The following CCL26 variants were observed in gnomAD, a reference collection of about 807,000 sequenced individuals.
CCL26 encodes the protein C-C motif chemokine 26.
A neutral mutation model predicts 10.7 loss-of-function variants in CCL26; 10 were observed. The observed-to-expected ratio is 0.93, with a 90% CI of 0.57 to 1.58. CCL26 has a LOEUF of 1.58. Ranked by LOEUF, CCL26 falls within the 40% of genes most tolerant of loss-of-function variation. CCL26 has a pLI of 0.00. For synonymous variants in CCL26, 43 were observed against 41.4 expected (o/e 1.04, Z -0.15); for missense variants, 116 against 111.0 (o/e 1.05, Z -0.20).
chr7:75,773,766 C>T (rs559019383), upstream of CCL26, among the ~76,000 whole-genome samples: 10 of 151,686 alleles, frequency 6.6e-5, no homozygotes, highest in Admixed American at 1.3e-4. Flanking sequence ...GCTTGTAATC[C>T]GAGCAACTTG....
chr7:75,770,901 G>T (rs1253217897), intron 2 of CCL26, among the ~76,000 whole-genome samples: 1 of 152,086 alleles, frequency 6.6e-6, no homozygotes, highest in African/African-American at 2.4e-5. Context: ...ACATACAGTT[G>T]ACTCTTGAAC....
At chr7:75,772,053 C>T (rs1371163184) in intron 1 of CCL26, 50 bp from the exon 2 acceptor site, 1 of 1,605,208 alleles carries the variant, frequency 6.2e-7, no homozygotes, top group African/African-American at 1.3e-5. Context: ...TCCATCCACT[C>T]CCAGGCGGTC....
At chr7:75,779,206 G>A (rs1396809183) in intron 1 of CCL26, among the ~76,000 whole-genome samples, 2 of 151,410 alleles carry the variant, frequency 1.3e-5, no homozygotes, top group East Asian at 1.9e-4. Flanking sequence ...ATCTCCCTTC[G>A]CTGACTCTTT....
intron 2 of CCL26, among the ~76,000 whole-genome samples, chr7:75,771,652 G>A (rs567019680): frequency 2.0e-4 from 30 of 152,292 alleles, no homozygotes; most frequent in African/African-American, 6.5e-4. Context: ...GGAGGGGGAG[G>A]TTGCAGTGAG....
chr7:75,777,423 T>TTGCAACTCA (rs1466136691), intron 1 of CCL26, among the ~76,000 whole-genome samples: 5 of 152,040 alleles, frequency 3.3e-5, no homozygotes, highest in African/African-American at 1.2e-4. Flanking sequence ...CTACAGTTAC[T>TTGCAACTCA]TGCAACTCAC....
chr7:75,785,869 G>A (rs1164815609), intron 1 of CCL26, among the ~76,000 whole-genome samples: 2 of 152,118 alleles, frequency 1.3e-5, no homozygotes, highest in Non-Finnish European at 2.9e-5. Context: ...CTTACACAAG[G>A]ACCGGGACCG....
At chr7:75,789,353 T>C (rs984860891) in intron 1 of CCL26, among the ~76,000 whole-genome samples, 7 of 152,046 alleles carry the variant, frequency 4.6e-5, no homozygotes, top group Non-Finnish European at 8.8e-5. Flanking sequence ...AAATGTAATA[T>C]GGGAGCCATG....
intron 1 of CCL26, among the ~76,000 whole-genome samples, chr7:75,784,162 G>A (rs1489224869): frequency 3.3e-5 from 5 of 152,172 alleles, no homozygotes; most frequent in African/African-American, 1.2e-4. Flanking sequence ...GCAGCTGCCA[G>A]GGGTTCCTCC....
Position 75,772,095 on chromosome 7 carries a change from G to C in CCL26, c.73+9C>G, listed in dbSNP as rs1554528187. ...GGAACCCCAGGAGGGGAATGGGCCA[G>C]CTACGTACGTGTGGCAGTTCCAAGG... On this transcript the variant is annotated intron_variant, in intron 1 of 2. Coordinates refer to ENST00000005180, the MANE Select transcript of CCL26 (RefSeq NM_001371938.1). 1 of 1,594,950 alleles carries C rather than the reference G, an allele frequency of 6.3e-7. No individual in the cohort carries two copies. The highest frequency in any genetic ancestry group is 1.1e-5 in the South Asian group (1 of 89,084).
At chr7:75,776,349 G>A (rs1308733282), upstream of CCL26, among the ~76,000 whole-genome samples, 1 of 151,512 alleles carries the variant, frequency 6.6e-6, no homozygotes, top group Non-Finnish European at 1.5e-5. Flanking sequence ...GGGATTACAG[G>A]TGTGAGCCAC....
At chr7:75,774,310 C>T (rs370205676), upstream of CCL26, among the ~76,000 whole-genome samples, 12 of 152,118 alleles carry the variant, frequency 7.9e-5, no homozygotes, top group East Asian at 9.6e-4. Flanking sequence ...CCATCACGCC[C>T]GGCTAATTTT....
chr7:75,772,120 G>A lies in CCL26; in HGVS notation c.57C>T (p.His19=). 1 of 1,570,326 alleles carries A rather than the reference G, an allele frequency of 6.4e-7. No homozygotes were observed. The highest frequency in any genetic ancestry group is 8.6e-7 in the Non-Finnish European group (1 of 1,157,442). Residue 19 remains histidine, a synonymous_variant, in exon 1 of 3, where the codon CAC becomes CAT. Transcript: ENST00000005180. ...AVLLASLLSL[H]LGTATRGSDI... ...GCTACGTACGTGTGGCAGTTCCAAGGTGGAGACTCAGGAGGGAGGCCAGGA... is the reference window on the plus strand; with the variant it reads ...GCTACGTACGTGTGGCAGTTCCAAGATGGAGACTCAGGAGGGAGGCCAGGA...
chr7:75,786,511 G>A (rs370608773), intron 1 of CCL26, among the ~76,000 whole-genome samples: 28 of 152,200 alleles, frequency 1.8e-4, no homozygotes, highest in Admixed American at 8.5e-4. Context: ...GGGCTGAAAG[G>A]TTTCCTCCCT....
At chr7:75,771,380 A>T (rs1554528069) in intron 2 of CCL26, among the ~76,000 whole-genome samples, 1 of 152,184 alleles carries the variant, frequency 6.6e-6, no homozygotes, top group Non-Finnish European at 1.5e-5. Context: ...AAGGTTATTC[A>T]TCATAGCTGA....
chr7:75,784,664 C>T (rs1477097893), intron 1 of CCL26, among the ~76,000 whole-genome samples: 1 of 152,134 alleles, frequency 6.6e-6, no homozygotes, highest in Non-Finnish European at 1.5e-5. Context: ...GTTATCCCCA[C>T]CTGCCCAGCT....
At chr7:75,786,076 C>G (rs1049784931) in intron 1 of CCL26, among the ~76,000 whole-genome samples, 5 of 152,170 alleles carry the variant, frequency 3.3e-5, no homozygotes, top group Non-Finnish European at 7.3e-5. Context: ...ATACTTTCTG[C>G]TCCCTGGCTC....
At chr7:75,769,816 A>G (rs1802783866) in intron 2 of CCL26, 27 bp from the exon 3 acceptor site, 2 of 1,404,938 alleles carry the variant, frequency 1.4e-6, no homozygotes, top group African/African-American at 1.4e-5. Flanking sequence ...CGGATAAGTC[A>G]ATATTGAGAC....
At chr7:75,774,141 GGTTT>G (rs1802886225), upstream of CCL26, among the ~76,000 whole-genome samples, 2 of 152,002 alleles carry the variant, frequency 1.3e-5, no homozygotes, top group South Asian at 4.1e-4. Context: ...ATGAGAGGGT[GGTTT>G]GTTTTTGTTT....
chr7:75,784,422 G>C (rs1339054435), intron 1 of CCL26, among the ~76,000 whole-genome samples: 2 of 152,156 alleles, frequency 1.3e-5, no homozygotes, highest in African/African-American at 2.4e-5. Context: ...TGAACACCTC[G>C]GAAGCCTCCT....
Sources: gnomAD v4.1 joint callset for allele counts (sites outside exome capture counted in the v4.1 genomes callset) on GRCh38, gnomAD v4.1.1 for gene constraint, MANE v1.5 for transcripts, NCBI Gene and HGNC (gene_info 2026-07-23, HGNC 2026-07-21) for gene names.